Variants in PSMA1 observed in about 807,000 individuals in gnomAD.
PSMA1 encodes the protein proteasome subunit alpha type-1.
In PSMA1, 3 loss-of-function variants were observed where a neutral mutation model predicts 38.4. That is an observed-to-expected ratio of 0.08 (90% CI 0.04 to 0.20). PSMA1 has a LOEUF of 0.20. Among genes scored for constraint, PSMA1 ranks in the 10% least tolerant of loss-of-function variants. PSMA1 has a pLI of 1.00. For missense variants in PSMA1, 227 were observed against 325.3 expected, an observed-to-expected ratio of 0.70 and a Z score of 2.32; for synonymous variants, 101 against 107.1, an observed-to-expected ratio of 0.94 and a Z score of 0.35.
intron 2 of PSMA1, among the ~76,000 whole-genome samples, chr11:14,601,168 T>C (rs1852576224): frequency 6.6e-6 from 1 of 152,166 alleles, no homozygotes; most frequent in Non-Finnish European, 1.5e-5. Context: ...ACAAGCAACA[T>C]GCACGGGGTC....
chr11:14,526,731 G>A (rs1589983402), intron 2 of PSMA1, among the ~76,000 whole-genome samples: 1 of 152,044 alleles, frequency 6.6e-6, no homozygotes, highest in Admixed American at 6.6e-5. Context: ...CCCCATGACT[G>A]TATCTCTCTG....
rs185858678 is a variant in PSMA1, at chr11:14,641,612, A to G, written c.-166+1843T>C. On this transcript the variant is annotated intron_variant, in intron 1 of 10. Transcript: ENST00000418988. ...TTGAAAGAGTTGGGCTTGTAGCCTT[A>G]TAAAAACCTGAATGACAGCTAAAAG... Among the ~76,000 whole-genome samples, 5 of 152,236 alleles carry G rather than the reference A, an allele frequency of 3.3e-5. No individual in the cohort carries two copies. In the East Asian group the frequency reaches 7.7e-4, roughly 23 times the overall value.
At chr11:14,536,623 T>C (rs534284776) in intron 2 of PSMA1, among the ~76,000 whole-genome samples, 10 of 149,930 alleles carry the variant, frequency 6.7e-5, no homozygotes, top group Non-Finnish European at 8.8e-5. Flanking sequence ...TTTTTATTTT[T>C]ATTTTTGAGA....
intron 2 of PSMA1, among the ~76,000 whole-genome samples, chr11:14,563,904 A>C (rs1242412655): frequency 6.6e-6 from 1 of 152,212 alleles, no homozygotes; most frequent in East Asian, 1.9e-4. Flanking sequence ...TCAATGATTA[A>C]ATTTAATAAA....
intron 2 of PSMA1, among the ~76,000 whole-genome samples, chr11:14,552,557 A>G (rs1417585438): frequency 6.6e-6 from 1 of 152,298 alleles, no homozygotes; most frequent in East Asian, 1.9e-4. Flanking sequence ...GGGCAAGACA[A>G]TTACTCTATG....
At chr11:14,516,444 C>G (rs909244432) in intron 4 of PSMA1, among the ~76,000 whole-genome samples, 2 of 152,194 alleles carry the variant, frequency 1.3e-5, no homozygotes, top group Non-Finnish European at 2.9e-5. Flanking sequence ...TTAAGCTTCT[C>G]AAAGAGCTAG....
chr11:14,572,576 T>C (rs1265461072), intron 2 of PSMA1, among the ~76,000 whole-genome samples: 2 of 152,102 alleles, frequency 1.3e-5, no homozygotes, highest in African/African-American at 4.8e-5. Flanking sequence ...AGATCTAAAA[T>C]TGACACCCTA....
intron 2 of PSMA1, among the ~76,000 whole-genome samples, chr11:14,570,437 C>G (rs1044505853): frequency 2.0e-5 from 3 of 152,090 alleles, no homozygotes; most frequent in Non-Finnish European, 4.4e-5. Flanking sequence ...GGAGGATGTT[C>G]AAACCCATTG....
chr11:14,571,130 G>A (rs970319244), intron 2 of PSMA1, among the ~76,000 whole-genome samples: 4 of 152,118 alleles, frequency 2.6e-5, no homozygotes, highest in South Asian at 2.1e-4. Flanking sequence ...TGGCGAGATC[G>A]CGGATCATGG....
At chr11:14,607,754 G>A (rs1852660964) in intron 2 of PSMA1, among the ~76,000 whole-genome samples, 1 of 152,202 alleles carries the variant, frequency 6.6e-6, no homozygotes, top group South Asian at 2.1e-4. Flanking sequence ...CAATGCAGCA[G>A]TTCTTAGAAA....
intron 7 of PSMA1, among the ~76,000 whole-genome samples, chr11:14,512,063 A>C (rs1179739855): frequency 6.6e-6 from 1 of 152,238 alleles, no homozygotes; most frequent in Non-Finnish European, 1.5e-5. Context: ...ACTGAAAACT[A>C]CAAAACATCA....
chr11:14,529,535 T>G (rs1251217622), intron 2 of PSMA1, among the ~76,000 whole-genome samples: 1 of 152,164 alleles, frequency 6.6e-6, no homozygotes, highest in Admixed American at 6.5e-5. Flanking sequence ...CCAGGTTTCC[T>G]TCCTTCTTTC....
intron 2 of PSMA1, among the ~76,000 whole-genome samples, chr11:14,606,477 C>T (rs951458502): frequency 9.9e-5 from 15 of 151,782 alleles, no homozygotes; most frequent in Non-Finnish European, 1.6e-4. Flanking sequence ...TGTCAAGACC[C>T]TCAGGGAGAG....
chr11:14,585,423 C>A (rs1852333470), intron 2 of PSMA1, among the ~76,000 whole-genome samples: 1 of 152,070 alleles, frequency 6.6e-6, no homozygotes, highest in East Asian at 1.9e-4. Flanking sequence ...AATAGATGAC[C>A]TTATTTAAAG....
intron 1 of PSMA1, among the ~76,000 whole-genome samples, chr11:14,629,211 C>T (rs1042426375): frequency 6.6e-6 from 1 of 152,080 alleles, no homozygotes; most frequent in Non-Finnish European, 1.5e-5. Flanking sequence ...GTTGCCATTG[C>T]TTTTGGTGTT....
intron 1 of PSMA1, among the ~76,000 whole-genome samples, chr11:14,627,934 C>G (rs914727386): frequency 6.6e-6 from 1 of 152,102 alleles, no homozygotes; most frequent in Non-Finnish European, 1.5e-5. Flanking sequence ...TCTTTTAGGA[C>G]AGGGATCCTC....
At chr11:14,592,065 A>T (rs967672294) in intron 2 of PSMA1, among the ~76,000 whole-genome samples, 1 of 151,952 alleles carries the variant, frequency 6.6e-6, no homozygotes, top group Non-Finnish European at 1.5e-5. Flanking sequence ...AAGAGCTGTA[A>T]CACTCACTGC....
intron 7 of PSMA1, among the ~76,000 whole-genome samples, chr11:14,513,297 C>T (rs1361257590): frequency 6.6e-6 from 1 of 152,150 alleles, no homozygotes; most frequent in East Asian, 1.9e-4. Flanking sequence ...CTCCACAGGG[C>T]ACACTTCTGA....
At chr11:14,583,528 T>C (rs1852306439) in intron 2 of PSMA1, among the ~76,000 whole-genome samples, 1 of 152,196 alleles carries the variant, frequency 6.6e-6, no homozygotes, top group African/African-American at 2.4e-5. Flanking sequence ...TCCCCAAAGC[T>C]GCTGTTGACT....
Sources: allele counts gnomAD v4.1 joint callset (sites outside exome capture counted in the v4.1 genomes callset), GRCh38; gene constraint gnomAD v4.1.1; transcripts MANE v1.5; gene names NCBI Gene and HGNC (gene_info 2026-07-23, HGNC 2026-07-21).